The following ANKRD10 variants were observed in gnomAD, a reference collection of about 807,000 sequenced individuals.
The protein encoded by ANKRD10 is ankyrin repeat domain 10.
A neutral mutation model predicts 27.0 loss-of-function variants in ANKRD10; 14 were observed. The observed-to-expected ratio is 0.52, with a 90% CI of 0.34 to 0.81. The LOEUF (loss-of-function observed/expected upper bound fraction) is 0.81. Among genes scored for constraint, ANKRD10 ranks in the 40% least tolerant of loss-of-function variants. The pLI, the probability that ANKRD10 is intolerant of heterozygous loss-of-function variation, is 0.01. For missense variants in ANKRD10, 493 were observed against 544.0 expected, an observed-to-expected ratio of 0.91 and a Z score of 0.93; for synonymous variants, 250 against 224.5, an observed-to-expected ratio of 1.11 and a Z score of -1.01.
intron 3 of ANKRD10, among the ~76,000 whole-genome samples, chr13:110,901,628 C>T (rs1487511382): frequency 6.6e-6 from 1 of 152,222 alleles, no homozygotes; most frequent in African/African-American, 2.4e-5. Context: ...TATCAACCCA[C>T]TTACTGTCCC....
In ANKRD10 at chr13:110,879,300, C is replaced by T. The variant is rs2064766346; in HGVS notation, c.*337G>A. On this transcript the variant is annotated 3_prime_UTR_variant, in exon 6 of 6. Transcript: ENST00000267339. Reference sequence around the variant, plus strand: ...ATTACCAGGCACCTGATTTACCACCCCAATTTATCTTGATCATATAATCTT... The same window carrying T: ...ATTACCAGGCACCTGATTTACCACCTCAATTTATCTTGATCATATAATCTT... The T allele has an allele frequency of 4.1e-6, 1 of 241,788 alleles. No individual in the cohort carries two copies. The highest frequency in any genetic ancestry group is 2.2e-5 in the African/African-American group (1 of 45,674). 15.0% of individuals were successfully genotyped at this position (241,788 alleles called of 1,614,324 possible). A position where few individuals can be genotyped will look rare whatever the true frequency, so the allele number is the denominator to read the frequency against.
At chr13:110,897,135 G>GT (rs1347696454) in intron 3 of ANKRD10, among the ~76,000 whole-genome samples, 4 of 151,846 alleles carry the variant, frequency 2.6e-5, no homozygotes, top group East Asian at 3.9e-4. Flanking sequence ...AGTAACCACT[G>GT]TTTTTTAAAG....
intron 5 of ANKRD10, 102 bp from the exon 6 acceptor site, chr13:110,880,214 C>CA: frequency 1.0e-6 from 1 of 994,172 alleles, no homozygotes; most frequent in Non-Finnish European, 1.4e-6. Context: ...ATTTTAGTTT[C>CA]TTTTTTTTCC....
At chr13:110,914,431 G>A (rs1204462329) in intron 1 of ANKRD10, 6 of 251,032 alleles carry the variant, frequency 2.4e-5, no homozygotes, top group Middle Eastern at 1.3e-3. Context: ...GACCCTTGGA[G>A]CCCGCCTTGT....
chr13:110,890,010 A>G (rs1195269743), intron 4 of ANKRD10, among the ~76,000 whole-genome samples: 2 of 152,200 alleles, frequency 1.3e-5, no homozygotes, highest in South Asian at 4.1e-4. Context: ...TACTCAAAGT[A>G]TTTTATATAC....
intron 3 of ANKRD10, among the ~76,000 whole-genome samples, chr13:110,898,757 T>TCC (rs1566474799): frequency 5.6e-5 from 8 of 142,600 alleles, no homozygotes; most frequent in African/African-American, 2.0e-4. Context: ...TTTCTTTTTT[T>TCC]TTTTTTTTTT....
chr13:110,909,808 G>C (rs868342897), intron 2 of ANKRD10, among the ~76,000 whole-genome samples: 15 of 152,188 alleles, frequency 9.9e-5, no homozygotes, highest in African/African-American at 3.1e-4. Flanking sequence ...AAAGTAGAAA[G>C]ACGACTTTGC....
intron 3 of ANKRD10, chr13:110,894,499 A>G (rs767055810): frequency 4.9e-6 from 1 of 202,976 alleles, no homozygotes; most frequent in Non-Finnish European, 1.0e-5. Context: ...GACTGACAAT[A>G]GCCTTGTATT....
Position 110,906,139 on chromosome 13 carries a change from A to G in ANKRD10, c.364-15T>C, listed in dbSNP as rs1228192994. On this transcript the variant is annotated splice_polypyrimidine_tract_variant and intron_variant, in intron 2 of 5. Coordinates refer to ENST00000267339, the MANE Select transcript of ANKRD10 (RefSeq NM_017664.4). ...CCCTCACAATCCTGAAACAACAAAAAGCAAAATATACACATACTTAGAACA... is the reference window on the plus strand; with the variant it reads ...CCCTCACAATCCTGAAACAACAAAAGGCAAAATATACACATACTTAGAACA... 3.8e-6 allele frequency: 6 copies of G among 1,578,262 alleles called. No individual in the cohort carries two copies. Among genetic ancestry groups the G allele is most frequent in the Non-Finnish European group, 5.2e-6 (6 of 1,160,278 alleles).
intron 1 of ANKRD10, among the ~76,000 whole-genome samples, chr13:110,913,860 G>T (rs9588297): frequency 6.6e-6 from 1 of 151,964 alleles, no homozygotes; most frequent in African/African-American, 2.4e-5. Flanking sequence ...AGATTTCTGA[G>T]AGCAAGTACC....
chr13:110,902,853 T>C (rs901312390), intron 3 of ANKRD10, among the ~76,000 whole-genome samples: 2 of 144,872 alleles, frequency 1.4e-5, no homozygotes, highest in African/African-American at 4.9e-5. Flanking sequence ...CAAAAAGCTA[T>C]TTTACTAGCT....
chr13:110,911,979 G>A (rs1354477215), intron 1 of ANKRD10, among the ~76,000 whole-genome samples: 1 of 152,182 alleles, frequency 6.6e-6, no homozygotes, highest in East Asian at 1.9e-4. Flanking sequence ...GGGGAAAAAA[G>A]CCTACAGCAT....
Position 110,879,768 on chromosome 13 carries a change from G to A in ANKRD10, c.1132C>T (p.His378Tyr). Reference sequence around the variant, plus strand: ...CTTTCAGCAGTGTCCCCAAACCCGTGGTAGTGTCCATAGTACAGGTTATCC... The same window carrying A: ...CTTTCAGCAGTGTCCCCAAACCCGTAGTAGTGTCCATAGTACAGGTTATCC... ...IGDNLYYGHY[H>Y]GFGDTAESIP... Residue 378 changes from histidine (H) to tyrosine (Y), a missense_variant, in exon 6 of 6, where the codon CAC becomes TAC. Transcript: ENST00000267339. 6.2e-7 allele frequency: 1 copy of A among 1,614,220 alleles called. No homozygotes were observed. The highest frequency in any genetic ancestry group is 8.5e-7 in the Non-Finnish European group (1 of 1,180,034).
intron 3 of ANKRD10, chr13:110,903,537 A>C (rs774226531): frequency 6.5e-6 from 1 of 154,740 alleles, no homozygotes; most frequent in Non-Finnish European, 1.5e-5. Context: ...TTACAGATGC[A>C]ACCTACATTA....
intron 3 of ANKRD10, among the ~76,000 whole-genome samples, chr13:110,896,697 T>C (rs547207215): frequency 8.9e-4 from 136 of 152,392 alleles, no homozygotes; most frequent in African/African-American, 3.2e-3. Flanking sequence ...AATTCTTTTG[T>C]TGTAGGCTGA....
intron 2 of ANKRD10, among the ~76,000 whole-genome samples, chr13:110,907,831 C>T (rs2065580547): frequency 6.6e-6 from 1 of 151,746 alleles, no homozygotes. Context: ...CCCAGGAAAA[C>T]TGGAGCTGAG....
At chr13:110,894,150 C>G in intron 3 of ANKRD10, 1 of 1,612,332 alleles carries the variant, frequency 6.2e-7, no homozygotes. Flanking sequence ...AAAGTAACTC[C>G]ATGTTGAAGT....
At chr13:110,889,316 T>C (rs921258772) in intron 4 of ANKRD10, among the ~76,000 whole-genome samples, 3 of 136,086 alleles carry the variant, frequency 2.2e-5, no homozygotes, top group Admixed American at 2.2e-4. Context: ...CCATCTAAAA[T>C]GAACAAAATC....
chr13:110,900,671 A>G lies in ANKRD10; in HGVS notation c.455+5362T>C, dbSNP rs2138861566. 3 of 1,351,868 alleles carry G rather than the reference A, an allele frequency of 2.2e-6. No individual in the cohort carries two copies. The South Asian group carries it at 3.4e-5, about 15-fold the overall frequency. 83.7% of individuals were successfully genotyped at this position (1,351,868 alleles called of 1,614,324 possible). ...CCCCTTTCTAGGATTACTTGAAAAA[A>G]TCAAGTCAATTCGAATTACGTAGCT... On this transcript the variant is annotated intron_variant, in intron 3 of 5. Transcript: ENST00000267339.
Sources: gnomAD v4.1 joint callset for allele counts (sites outside exome capture counted in the v4.1 genomes callset) on GRCh38, gnomAD v4.1.1 for gene constraint, MANE v1.5 for transcripts, NCBI Gene and HGNC (gene_info 2026-07-23, HGNC 2026-07-21) for gene names.